Variants in MTHFS observed in about 807,000 individuals in gnomAD.
The protein encoded by MTHFS is 5-formyltetrahydrofolate cyclo-ligase.
A neutral mutation model predicts 12.7 loss-of-function variants in MTHFS; 7 were observed. The observed-to-expected ratio is 0.55, with a 90% confidence interval of 0.31 to 1.03. The LOEUF is 1.03. Among genes scored for constraint, MTHFS ranks in the 50% least tolerant of loss-of-function variants. The probability of loss-of-function intolerance (pLI) is 0.05; values close to 1 mark genes in which losing one functional copy is unlikely to be tolerated. For missense variants in MTHFS, 252 were observed against 258.1 expected, an observed-to-expected ratio of 0.98 and a Z score of 0.16; for synonymous variants, 100 against 97.1, an observed-to-expected ratio of 1.03 and a Z score of -0.18.
At chr15:79,875,037 T>G (rs1300408048) in intron 2 of MTHFS, among the ~76,000 whole-genome samples, 1 of 152,060 alleles carries the variant, frequency 6.6e-6, no homozygotes, top group Non-Finnish European at 1.5e-5. Flanking sequence ...ATTAAGAGAT[T>G]AAAATAAAGA....
Position 79,897,001 on chromosome 15 carries a change from C to T in MTHFS, c.-13G>A, listed in dbSNP as rs1268248497. 1.3e-6 allele frequency: 2 copies of T among 1,524,112 alleles called. No individual in the cohort carries two copies. The highest frequency in any genetic ancestry group is 2.4e-5 in the South Asian group (2 of 82,886). 94.4% of individuals were successfully genotyped at this position (1,524,112 alleles called of 1,614,324 possible). A position where few individuals can be genotyped will look rare whatever the true frequency, so the allele number is the denominator to read the frequency against. On this transcript the variant is annotated 5_prime_UTR_variant, in exon 1 of 3. Coordinates refer to ENST00000258874, the MANE Select transcript of MTHFS (RefSeq NM_006441.4). ...CTGCCGCCGCCATCTCACGCCCAAG[C>T]CGAGTCCAGTCCCGCCCTCGGCGCC...
At chr15:79,891,963 C>CAAAAAAAAAAAAAAAAAAAAAAAAAAAAA (rs57309663) in intron 1 of MTHFS, among the ~76,000 whole-genome samples, 1 of 84,290 alleles carries the variant, frequency 1.2e-5, no homozygotes, top group Non-Finnish European at 2.1e-5. Flanking sequence ...AACTCCATCT[C>CAAAAAAAAAAAAAAAAAAAAAAAAAAAAA]AAAAAAAAAA....
At position 79,849,063 on chromosome 15, in the gene MTHFS, C is replaced by T. The variant is rs931776918; in HGVS notation, c.380-3621G>A. Among the ~76,000 whole-genome samples, 4 of 152,246 alleles carry T rather than the reference C, an allele frequency of 2.6e-5. No homozygotes were observed. In the South Asian group the frequency reaches 6.2e-4, roughly 24 times the overall value. ...CAAAATGAGTTTTACACTTGAGAAG[C>T]AAGACGAGAATGGTTTTGGATTCCC... On this transcript the variant is annotated intron_variant, in intron 2 of 2. Transcript: ENST00000258874.
At chr15:79,861,206 T>C (rs1189095179) in intron 2 of MTHFS, among the ~76,000 whole-genome samples, 1 of 152,172 alleles carries the variant, frequency 6.6e-6, no homozygotes, top group Non-Finnish European at 1.5e-5. Flanking sequence ...GTGAAGGGGT[T>C]TACTCATGTC....
chr15:79,852,474 A>T (rs1330036458), intron 2 of MTHFS, among the ~76,000 whole-genome samples: 1 of 152,242 alleles, frequency 6.6e-6, no homozygotes, highest in Non-Finnish European at 1.5e-5. Flanking sequence ...TAAAAATTAC[A>T]TTGTAAACAT....
Position 79,845,098 on chromosome 15 carries a change from T to C in MTHFS, c.*112A>G. The C allele has an allele frequency of 1.5e-6, 2 of 1,355,350 alleles. No homozygotes were observed. The highest frequency in any genetic ancestry group is 1.4e-5 in the South Asian group (1 of 69,784). The allele number at this position is 1,355,350 out of a possible 1,614,324, so 84.0% of individuals were successfully genotyped here. A position where few individuals can be genotyped will look rare whatever the true frequency, so the allele number is the denominator to read the frequency against. On this transcript the variant is annotated 3_prime_UTR_variant, in exon 3 of 3. Transcript: ENST00000258874. ...TCATAATTACAATTTTAAAATGCAG[T>C]CTGTATTCACATTAATGAACAATTT...
chr15:79,897,098 G>C, upstream of MTHFS: 2 of 1,122,878 alleles, frequency 1.8e-6, no homozygotes, highest in Non-Finnish European at 2.3e-6. Context: ...GGCGGGTCGG[G>C]GCTCGGGGAA....
chr15:79,883,665 G>C (rs745723274), intron 2 of MTHFS, among the ~76,000 whole-genome samples: 2 of 151,060 alleles, frequency 1.3e-5, no homozygotes, highest in African/African-American at 2.4e-5. Flanking sequence ...ACTACAAGGC[G>C]AACTGTACTA....
At chr15:79,874,139 C>T (rs922551806) in intron 2 of MTHFS, among the ~76,000 whole-genome samples, 1 of 152,186 alleles carries the variant, frequency 6.6e-6, no homozygotes, top group African/African-American at 2.4e-5. Flanking sequence ...AGAATCACTT[C>T]TAGAATGGCA....
intron 1 of MTHFS, among the ~76,000 whole-genome samples, chr15:79,891,963 C>CAAAAAAAAAA (rs57309663): frequency 4.7e-5 from 4 of 84,262 alleles, no homozygotes; most frequent in Non-Finnish European, 8.6e-5. Flanking sequence ...AACTCCATCT[C>CAAAAAAAAAA]AAAAAAAAAA....
upstream of MTHFS, chr15:79,897,138 C>T: frequency 5.9e-6 from 4 of 682,290 alleles, no homozygotes; most frequent in Non-Finnish European, 8.7e-6. Context: ...GGGACGCGGG[C>T]CCGCGGCGCG....
intron 2 of MTHFS, among the ~76,000 whole-genome samples, chr15:79,848,269 C>G (rs1373850779): frequency 6.6e-6 from 1 of 152,098 alleles, no homozygotes; most frequent in Non-Finnish European, 1.5e-5. Context: ...CTTTATGATG[C>G]CACTTACATG....
intron 1 of MTHFS, among the ~76,000 whole-genome samples, chr15:79,896,365 T>C (rs1178881121): frequency 2.0e-5 from 3 of 152,226 alleles, no homozygotes; most frequent in Non-Finnish European, 2.9e-5. Context: ...CACACCTTTT[T>C]TGGTGTTCCC....
chr15:79,883,452 G>A (rs917046177), intron 2 of MTHFS, among the ~76,000 whole-genome samples: 14 of 151,952 alleles, frequency 9.2e-5, no homozygotes, highest in Admixed American at 7.2e-4. Flanking sequence ...TGATTTAGAA[G>A]AAGGTTTCTG....
intron 2 of MTHFS, among the ~76,000 whole-genome samples, chr15:79,883,763 T>C (rs1273217245): frequency 6.6e-6 from 1 of 152,204 alleles, no homozygotes. Context: ...AATTTTCAGA[T>C]GGGGAAATTT....
At chr15:79,864,987 C>T (rs776036731) in intron 2 of MTHFS, among the ~76,000 whole-genome samples, 9 of 152,130 alleles carry the variant, frequency 5.9e-5, no homozygotes, top group Non-Finnish European at 1.0e-4. Flanking sequence ...AAAAAATAAA[C>T]GTTCACTCCA....
In MTHFS at chr15:79,889,213, T is replaced by A. The variant is rs1318912413; in HGVS notation, c.259A>T (p.Ser87Cys). 1 of 1,614,102 alleles carries A rather than the reference T, an allele frequency of 6.2e-7. No homozygotes were observed. The highest frequency in any genetic ancestry group is 1.3e-5 in the African/African-American group (1 of 74,938). The change falls in exon 2 of 3, where the codon AGC becomes TGC. Residue 87 changes from serine to cysteine, a missense_variant. Transcript: ENST00000258874. ...ATTCTCACCATATCCATGTGATTGC[T>A]CTGGAACCGGTACCGAGGGATGAAG... The part of the protein sequence containing the change: ...ICFIPRYRFQ[S>C]NHMDMVRIES...
At chr15:79,873,669 G>C (rs1191048704) in intron 2 of MTHFS, among the ~76,000 whole-genome samples, 1 of 152,182 alleles carries the variant, frequency 6.6e-6, no homozygotes, top group Non-Finnish European at 1.5e-5. Context: ...CTCTTACCTG[G>C]TGAGGTTCCC....
At chr15:79,877,735 T>G (rs889428901) in intron 2 of MTHFS, 4 of 150,486 alleles carry the variant, frequency 2.7e-5, no homozygotes, top group Non-Finnish European at 5.9e-5. Flanking sequence ...TTTTTACACA[T>G]CAGAGTCAAA....
Sources: allele counts gnomAD v4.1 joint callset (sites outside exome capture counted in the v4.1 genomes callset), GRCh38; gene constraint gnomAD v4.1.1; transcripts MANE v1.5; gene names NCBI Gene and HGNC (gene_info 2026-07-23, HGNC 2026-07-21).